Variants in UTRN observed in about 807,000 individuals in gnomAD.
The protein encoded by UTRN is dystrophin-related protein 1.
Under a neutral mutation model 463.9 loss-of-function variants are expected in UTRN, and 283 were observed. That is an observed-to-expected ratio of 0.61 (90% CI 0.55 to 0.67). UTRN has a LOEUF of 0.67. Among genes scored for constraint, UTRN ranks in the 30% least tolerant of loss-of-function variants. The pLI, the probability that UTRN is intolerant of heterozygous loss-of-function variation, is 0.00. For missense variants in UTRN, 3,922 were observed against 4,084.3 expected (o/e 0.96, Z 1.08); for synonymous variants, 1,442 against 1,431.5 (o/e 1.01, Z -0.17).
chr6:144,292,300 A>G (rs1409954411), intron 2 of UTRN, among the ~76,000 whole-genome samples: 1 of 152,200 alleles, frequency 6.6e-6, no homozygotes, highest in Middle Eastern at 3.2e-3. Context: ...TTTCATTACC[A>G]TATATCCTCA....
chr6:144,543,075 C>T (rs1363770243), intron 46 of UTRN, among the ~76,000 whole-genome samples: 5 of 152,176 alleles, frequency 3.3e-5, no homozygotes, highest in East Asian at 3.8e-4. Flanking sequence ...TTTGTTCTCG[C>T]GGCAGATAAG....
intron 49 of UTRN, 25 bp from the exon 50 acceptor site, chr6:144,557,132 A>C (rs754931349): frequency 6.2e-7 from 1 of 1,607,162 alleles, no homozygotes; most frequent in East Asian, 2.2e-5. Context: ...CAAGTCTAAC[A>C]AACAGACCTG....
intron 51 of UTRN, among the ~76,000 whole-genome samples, chr6:144,583,751 AC>A (rs773346938): frequency 2.0e-5 from 3 of 152,218 alleles, no homozygotes; most frequent in Non-Finnish European, 4.4e-5. Flanking sequence ...TTGCATAATT[AC>A]ATTTTGTTTA....
chr6:144,399,224 T>C (rs1467764518), intron 2 of UTRN, among the ~76,000 whole-genome samples: 2 of 152,242 alleles, frequency 1.3e-5, no homozygotes, highest in East Asian at 3.9e-4. Flanking sequence ...CCATTTGACA[T>C]TTTAATAAAT....
intron 50 of UTRN, among the ~76,000 whole-genome samples, chr6:144,572,253 T>C (rs1801009094): frequency 6.6e-6 from 1 of 152,098 alleles, no homozygotes; most frequent in Non-Finnish European, 1.5e-5. Context: ...TGGATCTCTT[T>C]TTTATGCTTC....
At chr6:144,626,279 T>A (rs1380951852) in intron 51 of UTRN, among the ~76,000 whole-genome samples, 1 of 152,114 alleles carries the variant, frequency 6.6e-6, no homozygotes, top group Admixed American at 6.5e-5. Context: ...TATCACAGGG[T>A]CAGTAATAAA....
At chr6:144,540,264 GAT>G (rs1346034033) in intron 45 of UTRN, among the ~76,000 whole-genome samples, 2 of 151,706 alleles carry the variant, frequency 1.3e-5, no homozygotes, top group African/African-American at 4.8e-5. Context: ...TAAAGTCATA[GAT>G]ATCTTTTTTG....
intron 41 of UTRN, among the ~76,000 whole-genome samples, chr6:144,525,042 C>A (rs565056357): frequency 6.6e-6 from 1 of 152,128 alleles, no homozygotes; most frequent in East Asian, 1.9e-4. Flanking sequence ...AGTATGAAAC[C>A]CACTTGATCA....
At chr6:144,811,893 G>A (rs1363071477) in intron 65 of UTRN, among the ~76,000 whole-genome samples, 1 of 152,128 alleles carries the variant, frequency 6.6e-6, no homozygotes, top group Non-Finnish European at 1.5e-5. Context: ...AATGATTTTA[G>A]CACTTGTGCA....
At chr6:144,442,784 G>A (rs1787306106) in intron 13 of UTRN, among the ~76,000 whole-genome samples, 1 of 152,174 alleles carries the variant, frequency 6.6e-6, no homozygotes, top group African/African-American at 2.4e-5. Context: ...AATGCAAGAT[G>A]AGATTTGGAT....
chr6:144,305,215 T>C (rs927072677), intron 2 of UTRN, among the ~76,000 whole-genome samples: 9 of 152,080 alleles, frequency 5.9e-5, no homozygotes, highest in Admixed American at 5.9e-4. Context: ...CATAGATAAA[T>C]CTTAAAAACA....
At chr6:144,715,879 CTCTT>C (rs763213590) in intron 53 of UTRN, among the ~76,000 whole-genome samples, 4 of 150,514 alleles carry the variant, frequency 2.7e-5, no homozygotes, top group Admixed American at 6.6e-5. Context: ...TTCCTTTTGT[CTCTT>C]TATTTCTCAG....
intron 25 of UTRN, 95 bp from the exon 26 acceptor site, chr6:144,479,717 A>G: frequency 7.0e-7 from 1 of 1,423,094 alleles, no homozygotes; most frequent in South Asian, 1.5e-5. Context: ...TTCGTTGTGG[A>G]AAGTTATTAC....
intron 60 of UTRN, among the ~76,000 whole-genome samples, chr6:144,776,910 T>C (rs1252129686): frequency 6.6e-6 from 1 of 152,230 alleles, no homozygotes; most frequent in African/African-American, 2.4e-5. Flanking sequence ...TAGGTCTCAA[T>C]GTTGTCGATC....
At chr6:144,641,879 A>G (rs1452194967) in intron 51 of UTRN, among the ~76,000 whole-genome samples, 1 of 152,220 alleles carries the variant, frequency 6.6e-6, no homozygotes, top group African/African-American at 2.4e-5. Flanking sequence ...TCACAGAAAT[A>G]TTGCTGAGGA....
intron 27 of UTRN, 150 bp from the exon 28 acceptor site, chr6:144,485,235 A>AT: frequency 8.2e-7 from 1 of 1,225,210 alleles, no homozygotes; most frequent in Non-Finnish European, 1.1e-6. Context: ...ATTTTATTTT[A>AT]TTTTTTTGAA....
chr6:144,723,851 A>G (rs901953514), intron 53 of UTRN, among the ~76,000 whole-genome samples: 1 of 148,640 alleles, frequency 6.7e-6, no homozygotes, highest in Non-Finnish European at 1.5e-5. Flanking sequence ...AAACGTATGT[A>G]AAAAAAAAAT....
chr6:144,499,470 A>G (rs1441506014), intron 34 of UTRN, 43 bp downstream of exon 34: 1 of 1,528,846 alleles, frequency 6.5e-7, no homozygotes, highest in Non-Finnish European at 8.9e-7. Context: ...ATGCCAGCGT[A>G]ACATGGCATT....
chr6:144,341,448 G>GA (rs1307630241), intron 2 of UTRN, among the ~76,000 whole-genome samples: 8 of 150,542 alleles, frequency 5.3e-5, no homozygotes, highest in Non-Finnish European at 5.9e-5. Context: ...AGTAAGGTCT[G>GA]AAAAAAAAAG....
Sources: gnomAD v4.1 joint callset for allele counts (sites outside exome capture counted in the v4.1 genomes callset) on GRCh38, gnomAD v4.1.1 for gene constraint, MANE v1.5 for transcripts, NCBI Gene and HGNC (gene_info 2026-07-23, HGNC 2026-07-21) for gene names.